Variants in RARB observed in about 807,000 individuals in gnomAD.
RARB encodes HBV-activated protein.
RARB carries 17 observed loss-of-function variants against 51.9 expected under a neutral mutation model. The observed-to-expected ratio is 0.33, with a 90% CI of 0.22 to 0.49. The LOEUF (loss-of-function observed/expected upper bound fraction) is 0.49, where lower values mean the gene tolerates loss of function less well. Among genes scored for constraint, RARB ranks in the 20% least tolerant of loss-of-function variants. The pLI is 0.99. For missense variants in RARB, 369 were observed against 550.8 expected (o/e 0.67, Z 3.30); for synonymous variants, 215 against 195.4 (o/e 1.10, Z -0.84).
chr3:24,860,201 A>G (rs899875874), intron 2 of RARB, among the ~76,000 whole-genome samples: 2 of 152,134 alleles, frequency 1.3e-5, no homozygotes, highest in Non-Finnish European at 2.9e-5. Flanking sequence ...CCCATTGTGG[A>G]AAAAGGGAGC....
intron 4 of RARB, among the ~76,000 whole-genome samples, chr3:25,164,338 G>A (rs1420550217): frequency 2.0e-5 from 3 of 152,166 alleles, no homozygotes; most frequent in African/African-American, 4.8e-5. Context: ...GTCCTAAGGT[G>A]TCCTTAACCT....
intron 5 of RARB, among the ~76,000 whole-genome samples, chr3:25,247,852 T>C (rs1702606186): frequency 6.6e-6 from 1 of 152,258 alleles, no homozygotes; most frequent in South Asian, 2.1e-4. Context: ...ATGTGTATAC[T>C]GTAGCTGTTG....
At chr3:25,195,118 A>C (rs1701199581) in intron 5 of RARB, among the ~76,000 whole-genome samples, 1 of 152,058 alleles carries the variant, frequency 6.6e-6, no homozygotes. Context: ...ATGGTACAAA[A>C]GGTCTTTATC....
chr3:25,040,358 A>G (rs944555716), intron 2 of RARB, among the ~76,000 whole-genome samples: 1 of 152,214 alleles, frequency 6.6e-6, no homozygotes, highest in African/African-American at 2.4e-5. Context: ...TAGGTGGTTC[A>G]TAGGAGGGTG....
At chr3:25,282,736 C>G (rs1305503037) in intron 5 of RARB, among the ~76,000 whole-genome samples, 1 of 152,116 alleles carries the variant, frequency 6.6e-6, no homozygotes, top group African/African-American at 2.4e-5. Context: ...TAACTGTGAT[C>G]CATCATTTAG....
intron 4 of RARB, among the ~76,000 whole-genome samples, chr3:25,133,238 A>G (rs1699980231): frequency 1.3e-5 from 2 of 152,124 alleles, no homozygotes; most frequent in African/African-American, 4.8e-5. Flanking sequence ...ACATTTAAAG[A>G]TGGACTCTTC....
intron 1 of RARB, among the ~76,000 whole-genome samples, chr3:24,834,283 A>T (rs1406337004): frequency 6.6e-6 from 1 of 152,210 alleles, no homozygotes; most frequent in Admixed American, 6.5e-5. Context: ...AAATCAGATT[A>T]ATTTCTACCA....
chr3:25,275,541 G>T (rs1171919764), intron 5 of RARB, among the ~76,000 whole-genome samples: 1 of 152,172 alleles, frequency 6.6e-6, no homozygotes, highest in Non-Finnish European at 1.5e-5. Context: ...CCTTTGTACT[G>T]TTAGCCATAC....
intron 2 of RARB, among the ~76,000 whole-genome samples, chr3:24,972,466 T>G (rs1365112653): frequency 6.6e-6 from 1 of 152,052 alleles, no homozygotes; most frequent in Non-Finnish European, 1.5e-5. Context: ...TAGAGATATT[T>G]CTTTGCTATA....
At chr3:25,262,020 T>A (rs927582956) in intron 5 of RARB, among the ~76,000 whole-genome samples, 1 of 152,136 alleles carries the variant, frequency 6.6e-6, no homozygotes, top group African/African-American at 2.4e-5. Context: ...ACACTGTTAC[T>A]CTCTGGATTA....
intron 2 of RARB, among the ~76,000 whole-genome samples, chr3:25,476,782 T>C (rs767835433): frequency 3.3e-5 from 5 of 152,222 alleles, no homozygotes; most frequent in Non-Finnish European, 5.9e-5. Context: ...CATCCTGAGG[T>C]TGCAAGTTTC....
At chr3:25,133,327 G>A (rs4586772) in intron 4 of RARB, among the ~76,000 whole-genome samples, 87,216 of 151,644 alleles carry the variant, frequency 0.58, 25,357 homozygotes, top group East Asian at 0.7. Context: ...ACATGGTTAT[G>A]GAGCATTTCT....
intron 5 of RARB, among the ~76,000 whole-genome samples, chr3:25,330,115 C>G (rs1704846686): frequency 1.3e-5 from 2 of 152,120 alleles, no homozygotes; most frequent in Admixed American, 1.3e-4. Context: ...AGAAGAGCTT[C>G]CCCAAGCCAG....
intron 3 of RARB, among the ~76,000 whole-genome samples, chr3:25,529,711 A>G (rs545873508): frequency 2.0e-5 from 3 of 152,290 alleles, no homozygotes; most frequent in African/African-American, 4.8e-5. Flanking sequence ...GACTGTATAC[A>G]TTTGTTAAAA....
intron 2 of RARB, among the ~76,000 whole-genome samples, chr3:24,962,885 G>C (rs1375644203): frequency 6.6e-6 from 1 of 152,112 alleles, no homozygotes; most frequent in Non-Finnish European, 1.5e-5. Flanking sequence ...TACTTTTTAA[G>C]GTAGATTCCA....
Position 25,454,960 on chromosome 3 carries a change from GT to G in RARB, c.158-6230del. On this transcript the variant is annotated intron_variant, in intron 1 of 7. Transcript: ENST00000330688. ...GAATCAACCCAAGAGCTGTGGCAGT[GT>G]TTAAGAAAGCTTCGTCAGTGGGAAC... is the stretch of plus-strand genomic sequence containing the variant. Among the ~76,000 whole-genome samples the G allele has an allele frequency of 1.3e-5, 2 of 152,218 alleles. 1 individual carries two copies. The highest frequency in any genetic ancestry group is 1.3e-4 in the Admixed American group (2 of 15,290).
intron 5 of RARB, among the ~76,000 whole-genome samples, chr3:25,214,477 C>T (rs1701772201): frequency 1.3e-5 from 2 of 152,144 alleles, no homozygotes; most frequent in Admixed American, 1.3e-4. Context: ...TTTAAAATAA[C>T]ATATCAGTAA....
At chr3:25,333,222 A>C (rs1228399898) in intron 5 of RARB, among the ~76,000 whole-genome samples, 5 of 152,092 alleles carry the variant, frequency 3.3e-5, no homozygotes, top group African/African-American at 1.2e-4. Flanking sequence ...TTGCCAAGTC[A>C]ATCCTAAGCC....
At chr3:25,159,349 A>C (rs750687952) in intron 4 of RARB, among the ~76,000 whole-genome samples, 1 of 150,874 alleles carries the variant, frequency 6.6e-6, no homozygotes, top group African/African-American at 2.4e-5. Context: ...TTGTGTTTTT[A>C]GTAGAGACCG....
Sources: allele counts gnomAD v4.1 joint callset (sites outside exome capture counted in the v4.1 genomes callset), GRCh38; gene constraint gnomAD v4.1.1; transcripts MANE v1.5; gene names NCBI Gene and HGNC (gene_info 2026-07-23, HGNC 2026-07-21).